CCDC7: variants seen among roughly 807,000 people sequenced by gnomAD.
CCDC7 encodes coiled-coil domain-containing protein 7.
A neutral mutation model predicts 196.9 loss-of-function variants in CCDC7; 183 were observed. The observed-to-expected ratio is 0.93, with a 90% CI of 0.82 to 1.05. The LOEUF (loss-of-function observed/expected upper bound fraction) is 1.05, where lower values mean the gene tolerates loss of function less well. Ranked by LOEUF, CCDC7 falls within the 50% of genes least tolerant of loss-of-function variation. The pLI is 0.00. For synonymous variants in CCDC7, 525 were observed against 484.6 expected (o/e 1.08, Z -1.10); for missense variants, 1,540 against 1,482.2 (o/e 1.04, Z -0.64).
At chr10:32,476,917 G>A (rs2039077799) in intron 8 of CCDC7, among the ~76,000 whole-genome samples, 1 of 152,104 alleles carries the variant, frequency 6.6e-6, no homozygotes, top group Non-Finnish European at 1.5e-5. Flanking sequence ...TTTTCTTATT[G>A]TTGAGTTTTA....
At chr10:32,704,498 A>C (rs566498896) in intron 24 of CCDC7, among the ~76,000 whole-genome samples, 1 of 152,122 alleles carries the variant, frequency 6.6e-6, no homozygotes. Context: ...CTCAGATCTC[A>C]AACTCCATGC....
At chr10:32,775,524 T>A (rs1171808905) in intron 28 of CCDC7, among the ~76,000 whole-genome samples, 1 of 152,200 alleles carries the variant, frequency 6.6e-6, no homozygotes, top group Non-Finnish European at 1.5e-5. Flanking sequence ...CGTAATGCTC[T>A]AGATCTCCAA....
chr10:32,689,040 T>C lies in CCDC7; in HGVS notation c.2234-13T>C, dbSNP rs772784201. 4 of 1,495,050 alleles carry C rather than the reference T, an allele frequency of 2.7e-6. No individual in the cohort carries two copies. Among genetic ancestry groups the C allele is most frequent in the Non-Finnish European group, 3.7e-6 (4 of 1,076,428 alleles). 92.6% of individuals were successfully genotyped at this position (1,495,050 alleles called of 1,614,324 possible). On this transcript the variant is annotated splice_polypyrimidine_tract_variant and intron_variant, in intron 22 of 41. Transcript: ENST00000639629. ...TTTGTAATTTAGCGGACTAAACACATCTTTTTCTGTAGCTCCTGATAAAGA... is the reference window on the plus strand; with the variant it reads ...TTTGTAATTTAGCGGACTAAACACACCTTTTTCTGTAGCTCCTGATAAAGA...
downstream of CCDC7, among the ~76,000 whole-genome samples, chr10:32,878,648 A>T (rs1443050920): frequency 6.6e-6 from 1 of 152,022 alleles, no homozygotes; most frequent in Non-Finnish European, 1.5e-5. Context: ...ATTATGAGGT[A>T]GTCAGATCTA....
At chr10:32,711,525 G>C (rs2080836106) in intron 24 of CCDC7, 95 bp from the exon 26 acceptor site, 1 of 708,220 alleles carries the variant, frequency 1.4e-6, no homozygotes, top group African/African-American at 1.9e-5. Context: ...TAAGATGAAA[G>C]AAAATGTTGC....
chr10:32,827,608 C>T (rs1396890972), intron 32 of CCDC7, among the ~76,000 whole-genome samples: 1 of 148,690 alleles, frequency 6.7e-6, no homozygotes, highest in Non-Finnish European at 1.5e-5. Context: ...AACACATGGA[C>T]ACCGGGTGGG....
intron 28 of CCDC7, among the ~76,000 whole-genome samples, chr10:32,744,318 G>A (rs192368778): frequency 6.0e-5 from 9 of 150,370 alleles, no homozygotes; most frequent in East Asian, 2.0e-4. Context: ...AAATATTACC[G>A]TAGCAGAAAA....
intron 21 of CCDC7, among the ~76,000 whole-genome samples, chr10:32,672,148 A>G (rs1296715800): frequency 6.6e-6 from 1 of 152,166 alleles, no homozygotes; most frequent in Non-Finnish European, 1.5e-5. Flanking sequence ...GGGCAGTAAC[A>G]GCACTTATGC....
At chr10:32,632,704 A>G (rs1030736761) in intron 18 of CCDC7, among the ~76,000 whole-genome samples, 20 of 152,040 alleles carry the variant, frequency 1.3e-4, no homozygotes, top group Non-Finnish European at 2.6e-4. Flanking sequence ...CCCATTGGTC[A>G]TTTAGGAGTG....
exon 33 of CCDC7, chr10:32,834,875 A>G: frequency 6.9e-7 from 1 of 1,445,328 alleles, no homozygotes; most frequent in African/African-American, 1.4e-5. Context: ...CATCTAATCA[A>G]CATACAGTCA....
chr10:32,862,325 C>G (rs572795639), intron 41 of CCDC7, among the ~76,000 whole-genome samples: 1 of 149,840 alleles, frequency 6.7e-6, no homozygotes, highest in Non-Finnish European at 1.5e-5. Context: ...AACAGAAAAC[C>G]AAACACTGCA....
At chr10:32,775,390 A>T (rs2079846516) in intron 28 of CCDC7, among the ~76,000 whole-genome samples, 1 of 152,174 alleles carries the variant, frequency 6.6e-6, no homozygotes, top group African/African-American at 2.4e-5. Flanking sequence ...TAAGGATATA[A>T]AAATAGAAAA....
At chr10:32,561,829 A>T (rs1317308269) in intron 13 of CCDC7, among the ~76,000 whole-genome samples, 1 of 152,164 alleles carries the variant, frequency 6.6e-6, no homozygotes, top group Non-Finnish European at 1.5e-5. Context: ...ATAGAGACAC[A>T]AAAAACCCTT....
chr10:32,488,820 C>T (rs528330608), intron 8 of CCDC7, among the ~76,000 whole-genome samples: 1 of 152,180 alleles, frequency 6.6e-6, no homozygotes, highest in Non-Finnish European at 1.5e-5. Context: ...GTCACTTCTT[C>T]TAGACTTTAT....
chr10:32,467,523 C>T (rs2037087950), intron 5 of CCDC7, among the ~76,000 whole-genome samples: 1 of 152,146 alleles, frequency 6.6e-6, no homozygotes, highest in Admixed American at 6.5e-5. Flanking sequence ...AATGTTTTCT[C>T]CCAATTTCTA....
rs1028894315 is a variant in CCDC7, at chr10:32,620,531, C to T, written c.1802-13723C>T. On this transcript the variant is annotated intron_variant, in intron 18 of 41. Transcript: ENST00000639629. ...ATTTTTTTTTTGTGGGTAATTCCTC[C>T]GTAATTCTGGTACTTGATTGCCATT... Among the ~76,000 whole-genome samples, 55 of 151,260 alleles carry T rather than the reference C, an allele frequency of 3.6e-4. 1 individual carries two copies. Among genetic ancestry groups the T allele is most frequent in the Non-Finnish European group, 3.4e-4 (23 of 67,864 alleles).
chr10:32,707,877 G>C lies in CCDC7; in HGVS notation c.2459-3743G>C, dbSNP rs532080325. Among the ~76,000 whole-genome samples, 24 of 152,226 alleles carry C rather than the reference G, an allele frequency of 1.6e-4. 1 individual carries two copies. The South Asian group carries it at 5.0e-3, about 32-fold the overall frequency. ...CTCATGGGCAGGAAGAATCAATATC[G>C]TGAAAATGGCCATACTGCCCAAGGT... On this transcript the variant is annotated intron_variant, in intron 24 of 41. Transcript: ENST00000639629.
intron 28 of CCDC7, among the ~76,000 whole-genome samples, chr10:32,738,308 T>C (rs1054216274): frequency 7.2e-5 from 11 of 152,108 alleles, no homozygotes; most frequent in Non-Finnish European, 1.3e-4. Context: ...TATTCTGATT[T>C]CAGAGAATTC....
intron 11 of CCDC7, among the ~76,000 whole-genome samples, chr10:32,531,049 TA>T (rs2049575675): frequency 6.6e-6 from 1 of 152,252 alleles, no homozygotes; most frequent in South Asian, 2.1e-4. Context: ...TAATATGATA[TA>T]TCATGTTTAT....
Sources: gnomAD v4.1 joint callset for allele counts (sites outside exome capture counted in the v4.1 genomes callset) on GRCh38, gnomAD v4.1.1 for gene constraint, MANE v1.5 for transcripts, NCBI Gene and HGNC (gene_info 2026-07-23, HGNC 2026-07-21) for gene names.